CABIN1: variants seen among roughly 807,000 people sequenced by gnomAD.
The protein encoded by CABIN1 is calcineurin binding protein 1.
A neutral mutation model predicts 227.7 loss-of-function variants in CABIN1; 133 were observed. The observed-to-expected ratio is 0.58, with a 90% CI of 0.51 to 0.67. The LOEUF (loss-of-function observed/expected upper bound fraction) is 0.67, where lower values mean the gene tolerates loss of function less well. Among genes scored for constraint, CABIN1 ranks in the 30% least tolerant of loss-of-function variants. The pLI is 0.00. For missense variants in CABIN1, 2,408 were observed against 2,852.5 expected, an observed-to-expected ratio of 0.84 and a Z score of 3.55; for synonymous variants, 1,086 against 1,155.1, an observed-to-expected ratio of 0.94 and a Z score of 1.21.
At chr22:24,028,401 T>G (rs2146762400) in intron 1 of CABIN1, among the ~76,000 whole-genome samples, 1 of 152,302 alleles carries the variant, frequency 6.6e-6, no homozygotes, top group East Asian at 1.9e-4. Flanking sequence ...AGTGCTACAG[T>G]CCATGGTGTT....
intron 29 of CABIN1, among the ~76,000 whole-genome samples, chr22:24,135,498 G>A (rs1179667748): frequency 4.6e-5 from 7 of 152,114 alleles, no homozygotes. Context: ...AATCACCTAG[G>A]CCTGCCTGCC....
At chr22:24,156,756 C>T (rs1255615524) in intron 29 of CABIN1, among the ~76,000 whole-genome samples, 2 of 151,920 alleles carry the variant, frequency 1.3e-5, no homozygotes, top group African/African-American at 2.4e-5. Context: ...TTAGGGGTAA[C>T]GGTTGCATGG....
intron 29 of CABIN1, 101 bp from the exon 30 acceptor site, chr22:24,164,299 C>T (rs992626881): frequency 1.1e-5 from 16 of 1,469,440 alleles, no homozygotes; most frequent in African/African-American, 1.4e-5. Flanking sequence ...GGCAGTGTCC[C>T]CTTTGGCACT....
At chr22:24,129,785 C>T (rs1161128091) in intron 28 of CABIN1, among the ~76,000 whole-genome samples, 6 of 152,228 alleles carry the variant, frequency 3.9e-5, no homozygotes, top group Middle Eastern at 3.4e-3. Context: ...TGAGGTGGCA[C>T]CAGGTAGAGA....
Position 24,177,554 on chromosome 22 carries a change from G to T in CABIN1, c.6256G>T (p.Ala2086Ser), listed in dbSNP as rs374568653. ...PRRDGEAQEAASETQPLSSPP... is the reference protein window; with the variant it reads ...PRRDGEAQEASSETQPLSSPP... ...AAGGGATGGGGAGGCTCAGGAGGCTGCGAGTGAGACTCAGCCCCTGAGCTC... is the reference window on the plus strand; with the variant it reads ...AAGGGATGGGGAGGCTCAGGAGGCTTCGAGTGAGACTCAGCCCCTGAGCTC... Residue 2086 changes from alanine (A) to serine (S), a missense_variant, in exon 36 of 37, where the codon GCG becomes TCG. By Grantham distance (99) the Ala-to-Ser change is moderately conservative. Coordinates refer to ENST00000263119, the MANE Select transcript of CABIN1 (RefSeq NM_012295.4). This position sits in a 1 kb window ranked among gnomAD's most constrained non-coding sequence, Gnocchi z 4.4. 78 of 1,580,434 alleles carry T rather than the reference G, an allele frequency of 4.9e-5. 1 individual carries two copies. The African/African-American group carries it at 1.0e-3, about 21-fold the overall frequency.
intron 28 of CABIN1, among the ~76,000 whole-genome samples, chr22:24,123,681 T>TG (rs1341042913): frequency 9.2e-5 from 14 of 152,224 alleles, no homozygotes; most frequent in African/African-American, 3.4e-4. Context: ...TTCACAGATC[T>TG]GGGGGACACA....
Position 24,176,418 on chromosome 22 carries a change from G to C in CABIN1, c.6205+143G>C. The C allele has an allele frequency of 4.1e-6, 4 of 968,566 alleles. No homozygotes were observed. In the South Asian group the frequency reaches 5.8e-5, roughly 14 times the overall value. The allele number at this position is 968,566 out of a possible 1,614,324, so 60.0% of individuals were successfully genotyped here. Reference sequence around the variant, plus strand: ...ATGAGATGGGGAGGAAATGGGGGTAGTGCAGGCTGGACAGGGGAGCCAAGG... The same window carrying C: ...ATGAGATGGGGAGGAAATGGGGGTACTGCAGGCTGGACAGGGGAGCCAAGG... On this transcript the variant is annotated intron_variant, in intron 35 of 36. Coordinates refer to ENST00000263119, the MANE Select transcript of CABIN1 (RefSeq NM_012295.4).
rs567017068 is a variant in CABIN1, at chr22:24,063,061, C to T, written c.1799C>T (p.Ser600Leu). ...LGDLLQLSFA[S>L]SQRDLFEDGW... ...GACCTCCTACAGCTGTCATTTGCCT[C>T]GTCCCAGCGCGACCTGTTCGAGGAT... Residue 600 changes from serine to leucine, a missense_variant, in exon 14 of 37, where the codon TCG (serine) becomes TTG (leucine). Transcript: ENST00000263119. 1.2e-5 allele frequency: 20 copies of T among 1,614,174 alleles called. No homozygotes were observed. The East Asian group carries it at 1.8e-4, about 14-fold the overall frequency.
chr22:24,166,315 G>A (rs1022454363), intron 31 of CABIN1, among the ~76,000 whole-genome samples: 4 of 152,216 alleles, frequency 2.6e-5, no homozygotes, highest in African/African-American at 9.7e-5. Context: ...AGTCAAAGGG[G>A]AGCTGGGCAA....
In CABIN1 at chr22:24,062,993, T is replaced by A; in HGVS notation, c.1731T>A (p.Asn577Lys). Residue 577 changes from asparagine (N) to lysine (K), a missense_variant, in exon 14 of 37, where the codon AAT (asparagine) becomes AAA (lysine). By Grantham distance (94) the Asn-to-Lys change is moderately conservative (BLOSUM62 0). Coordinates refer to ENST00000263119, the MANE Select transcript of CABIN1 (RefSeq NM_012295.4). ...SPRNCPAGMVNGRFGPDFPGT... is the reference protein window; with the variant it reads ...SPRNCPAGMVKGRFGPDFPGT... ...GGAACTGCCCTGCTGGTATGGTGAA[T>A]GGCAGATTTGGACCTGACTTCCCAG... The A allele has an allele frequency of 6.2e-7, 1 of 1,614,228 alleles. No individual in the cohort carries two copies. Among genetic ancestry groups the A allele is most frequent in the Middle Eastern group, 1.6e-4 (1 of 6,062 alleles).
chr22:24,166,897 G>A lies in CABIN1; in HGVS notation c.5266G>A (p.Gly1756Arg). The change falls in exon 32 of 37, where the codon GGG (glycine) becomes AGG (arginine). Residue 1756 changes from glycine to arginine, a missense_variant. Transcript: ENST00000263119. ...GAAGGATAAAGAGAGCCCACGGGCA[G>A]GGCCCACTGAGCCCATGGACACGAG... Reference protein sequence around the residue: ...ERKDKESPRAGPTEPMDTSEA... With the variant: ...ERKDKESPRARPTEPMDTSEA... The A allele has an allele frequency of 1.2e-6, 2 of 1,609,202 alleles. No individual in the cohort carries two copies. The highest frequency in any genetic ancestry group is 1.7e-6 in the Non-Finnish European group (2 of 1,178,268).
Position 24,049,085 on chromosome 22 carries a change from C to G in CABIN1, c.527-6C>G, listed in dbSNP as rs367716160. 1 of 1,613,806 alleles carries G rather than the reference C, an allele frequency of 6.2e-7. No individual in the cohort carries two copies. Among genetic ancestry groups the G allele is most frequent in the African/African-American group, 1.3e-5 (1 of 75,040 alleles). On this transcript the variant is annotated splice_polypyrimidine_tract_variant and splice_region_variant and intron_variant, in intron 6 of 36. Transcript: ENST00000263119. ...AGAAGTCATAAACTGTCTCTTTCCC[C>G]GCCAGCATGTCTGTACTTCATCTGC...
chr22:24,178,076 T>G lies in CABIN1; in HGVS notation c.6543T>G (p.Ser2181=), dbSNP rs1183593142. ...KLKSAILSAQ[S]AANVRKESLC... Reference sequence around the variant, plus strand: ...AGTCAGCCATCCTTTCTGCCCAGTCTGCTGCCAACGTGAGGAAGGAGAGCC... The same window carrying G: ...AGTCAGCCATCCTTTCTGCCCAGTCGGCTGCCAACGTGAGGAAGGAGAGCC... The change falls in exon 37 of 37, where the codon TCT becomes TCG. Residue 2181 remains serine, a synonymous_variant. Coordinates refer to ENST00000263119, the MANE Select transcript of CABIN1 (RefSeq NM_012295.4). The G allele has an allele frequency of 1.2e-6, 2 of 1,613,654 alleles. No individual in the cohort carries two copies. The highest frequency in any genetic ancestry group is 1.7e-5 in the Admixed American group (1 of 60,010).
intron 16 of CABIN1, 107 bp downstream of exon 16, chr22:24,067,288 AGAGAGTGGAT>A: frequency 8.5e-7 from 1 of 1,175,532 alleles, no homozygotes; most frequent in Non-Finnish European, 1.2e-6. Flanking sequence ...TATAGCTAGA[AGAGAGTGGAT>A]GTCAAAACCA....
At chr22:24,128,169 A>C (rs2043849277) in intron 28 of CABIN1, among the ~76,000 whole-genome samples, 1 of 151,832 alleles carries the variant, frequency 6.6e-6, no homozygotes, top group African/African-American at 2.4e-5. Flanking sequence ...TCTTCTGCCT[A>C]CTTTCTTTAC....
At chr22:24,025,554 C>T (rs752298575) in intron 1 of CABIN1, among the ~76,000 whole-genome samples, 1 of 152,106 alleles carries the variant, frequency 6.6e-6, no homozygotes, top group Non-Finnish European at 1.5e-5. Flanking sequence ...GTGGTGGGGC[C>T]GAGGAATGGG....
chr22:24,168,393 G>A (rs2046583278), intron 32 of CABIN1, 54 bp from the exon 33 acceptor site: 3 of 1,515,746 alleles, frequency 2.0e-6, no homozygotes. Context: ...CAGGGCTGGG[G>A]GAGGCTAACC....
rs1316351102 is a variant in CABIN1 at position 24,019,117 on chromosome 22, G to GTTT, written c.-75+7752_-75+7753insTTT. On this transcript the variant is annotated intron_variant, in intron 1 of 36. Coordinates refer to ENST00000263119, the MANE Select transcript of CABIN1 (RefSeq NM_012295.4). The stretch of plus-strand genomic sequence containing the variant: ...CTTATATTGTGCAACTTCACTGAGT[G>GTTT]TTGTTTTTTTTTTTTTTTTTTTTTT... Among the ~76,000 whole-genome samples, 43 of 97,958 alleles carry GTTT rather than the reference G, an allele frequency of 4.4e-4. 1 individual carries two copies. Among genetic ancestry groups the GTTT allele is most frequent in the African/African-American group, 1.6e-3 (39 of 24,754 alleles). The allele number at this position is 97,958 out of a possible 152,430, so 64.3% of individuals were successfully genotyped here. A position where few individuals can be genotyped will look rare whatever the true frequency, so the allele number is the denominator to read the frequency against.
intron 29 of CABIN1, among the ~76,000 whole-genome samples, chr22:24,135,682 A>C (rs1340101280): frequency 6.6e-6 from 1 of 152,200 alleles, no homozygotes; most frequent in Non-Finnish European, 1.5e-5. Context: ...TGACTTTGGC[A>C]GGTCATACAC....
Sources: allele counts gnomAD v4.1 joint callset (sites outside exome capture counted in the v4.1 genomes callset), GRCh38; gene constraint gnomAD v4.1.1; non-coding constraint Gnocchi (gnomAD v3.1); transcripts MANE v1.5; gene names NCBI Gene and HGNC (gene_info 2026-07-23, HGNC 2026-07-21).